Variants in WDR11 observed in about 807,000 individuals in gnomAD.
WDR11 encodes the protein WD repeat-containing protein 11.
In WDR11, 83 loss-of-function variants were observed where a neutral mutation model predicts 151.2. The ratio of observed to expected loss-of-function variants is 0.55; its 90% CI spans 0.46 to 0.66. The LOEUF is 0.66. WDR11 is among the 30% of genes least tolerant of loss of function. The pLI is 0.00. For missense variants in WDR11, 1,301 were observed against 1,480.9 expected, an observed-to-expected ratio of 0.88 and a Z score of 1.99; for synonymous variants, 484 against 533.1, an observed-to-expected ratio of 0.91 and a Z score of 1.27.
intron 13 of WDR11, among the ~76,000 whole-genome samples, chr10:120,881,602 TTTG>T (rs1207105232): frequency 4.6e-5 from 7 of 152,124 alleles, no homozygotes; most frequent in Middle Eastern, 3.4e-3. Flanking sequence ...TTACATATTA[TTTG>T]TTTATTTTGT....
chr10:120,862,902 A>G lies in WDR11; in HGVS notation c.694A>G (p.Ile232Val). The G allele has an allele frequency of 6.2e-7, 1 of 1,612,550 alleles. No homozygotes were observed. Among genetic ancestry groups the G allele is most frequent in the Non-Finnish European group, 8.5e-7 (1 of 1,178,572 alleles). Residue 232 changes from isoleucine to valine, a missense_variant, in exon 5 of 29, where the codon ATC becomes GTC. Ile to Val is a conservative substitution (Grantham distance 29). Around this residue, in one of 3 missense-constraint regions of WDR11, gnomAD observed 692 missense variants for 762.5 expected, o/e 0.91. Transcript: ENST00000263461. ...AGCTCTAAATAAAGTAAAAATTTTA[A>G]TCACTCAAGAGAAACCTAGGTAAGT... ...KKALNKVKIL[I>V]TQEKPSAEFI...
Position 120,889,128 on chromosome 10 carries a change from G to A in WDR11, c.2172G>A (p.Val724=), listed in dbSNP as rs768895783. The A allele has an allele frequency of 2.5e-6, 4 of 1,613,934 alleles. No homozygotes were observed. In the African/African-American group the frequency reaches 5.3e-5, roughly 22 times the overall value. Residue 724 remains valine, a synonymous_variant, in exon 17 of 29, where the codon GTG becomes GTA. Coordinates refer to ENST00000263461, the MANE Select transcript of WDR11 (RefSeq NM_018117.12). The part of the protein sequence containing the change: ...TCIAWKGDTL[V]LGDMDGNLNF... ...TCGCTTGGAAAGGTGATACATTAGT[G>A]CTTGGAGATATGGATGGAAATTTAA... is the stretch of plus-strand genomic sequence containing the variant.
intron 2 of WDR11, among the ~76,000 whole-genome samples, chr10:120,853,810 G>A (rs888265198): frequency 6.6e-6 from 1 of 152,196 alleles, no homozygotes; most frequent in Non-Finnish European, 1.5e-5. Flanking sequence ...GTATAAAGGA[G>A]AGTAAGAGAA....
At chr10:120,903,778 G>GAGGTT (rs1319686508) in intron 23 of WDR11, among the ~76,000 whole-genome samples, 3 of 152,140 alleles carry the variant, frequency 2.0e-5, no homozygotes, top group African/African-American at 7.2e-5. Flanking sequence ...ACCTCCTGCA[G>GAGGTT]AATCCTTCAG....
At chr10:120,868,942 G>A (rs1200868860) in intron 9 of WDR11, among the ~76,000 whole-genome samples, 1 of 149,436 alleles carries the variant, frequency 6.7e-6, no homozygotes, top group East Asian at 1.9e-4. Flanking sequence ...TATTTTATCA[G>A]TAACACAATT....
At chr10:120,882,360 T>G (rs908255484) in intron 13 of WDR11, among the ~76,000 whole-genome samples, 1 of 152,008 alleles carries the variant, frequency 6.6e-6, no homozygotes, top group African/African-American at 2.4e-5. Flanking sequence ...TAATATCCTT[T>G]GTTTTGGTAT....
In WDR11 at chr10:120,904,765, C is replaced by T. The variant is rs1373395827; in HGVS notation, c.3147C>T (p.Thr1049=). The part of the protein sequence containing the change: ...TVTSSGPSQS[T]IKLVATNMIA... ...CCTCGTCAGGCCCCTCTCAGAGCAC[C>T]ATTAAGTTGGTGGCAACGAATATGA... Residue 1049 remains threonine (T), a synonymous_variant, in exon 25 of 29, where the codon ACC becomes ACT. Transcript: ENST00000263461. 4.3e-6 allele frequency: 7 copies of T among 1,614,124 alleles called. No homozygotes were observed. Among genetic ancestry groups the T allele is most frequent in the Non-Finnish European group, 5.9e-6 (7 of 1,180,022 alleles).
chr10:120,867,374 T>C (rs1846352505), intron 9 of WDR11, among the ~76,000 whole-genome samples: 2 of 152,252 alleles, frequency 1.3e-5, no homozygotes, highest in African/African-American at 4.8e-5. Context: ...GTTTGCATTA[T>C]AGTTGTTAGA....
rs139749005 is a variant in WDR11 at position 120,871,217 on chromosome 10, C to T, written c.1342C>T (p.Arg448Trp). The change falls in exon 10 of 29, where the codon CGG becomes TGG. Residue 448 changes from arginine to tryptophan, a missense_variant. By Grantham distance (101) the Arg-to-Trp change is moderately radical. Around this residue, in one of 3 missense-constraint regions of WDR11, gnomAD observed 692 missense variants for 762.5 expected, o/e 0.91. Transcript: ENST00000263461. ...AGAACATCCCAGAGGTTCAATTCTGCGGGAAGTGCACCTCAAGTTCCTGCT... is the reference window on the plus strand; with the variant it reads ...AGAACATCCCAGAGGTTCAATTCTGTGGGAAGTGCACCTCAAGTTCCTGCT... ...GEEHPRGSIL[R>W]EVHLKFLLTG... The T allele has an allele frequency of 1.4e-4, 230 of 1,614,112 alleles. No homozygotes were observed. The highest frequency in any genetic ancestry group is 3.2e-4 in the African/African-American group (24 of 75,032).
chr10:120,888,986 A>G, intron 16 of WDR11, 92 bp from the exon 17 acceptor site: 1 of 964,426 alleles, frequency 1.0e-6, no homozygotes, highest in Non-Finnish European at 1.6e-6. Flanking sequence ...ACTAAAGCAC[A>G]GCCCTTTAAA....
intron 3 of WDR11, among the ~76,000 whole-genome samples, chr10:120,859,056 T>C (rs987015550): frequency 1.3e-5 from 2 of 152,170 alleles, no homozygotes; most frequent in Admixed American, 6.5e-5. Flanking sequence ...TCAAGCATGA[T>C]AAGAAAAAGT....
chr10:120,865,844 C>A, intron 7 of WDR11, 100 bp downstream of exon 7: 1 of 784,662 alleles, frequency 1.3e-6, no homozygotes, highest in Non-Finnish European at 2.1e-6. Flanking sequence ...TAATGATACT[C>A]CTTGCTTTGA....
intron 11 of WDR11, 103 bp from the exon 12 acceptor site, chr10:120,878,250 G>C: frequency 1.2e-6 from 1 of 835,922 alleles, no homozygotes; most frequent in Non-Finnish European, 1.9e-6. Context: ...TAATTAATTT[G>C]TGTAATAAAA....
intron 28 of WDR11, 147 bp downstream of exon 28, chr10:120,907,002 A>G: frequency 7.9e-7 from 1 of 1,267,028 alleles, no homozygotes; most frequent in African/African-American, 1.5e-5. Context: ...CAAAGCCAGG[A>G]AAGAGGGAGA....
rs1161091445 is a variant in WDR11 at position 120,865,695 on chromosome 10, T to A, written c.945T>A (p.Arg315=). Residue 315 remains arginine, a synonymous_variant, in exon 7 of 29, where the codon CGT becomes CGA. Transcript: ENST00000263461. Reference sequence around the variant, plus strand: ...ATGAAAATGGTTGTATAACTTTACGTGTTCGAAGATCTTATAATAACATTT... The same window carrying A: ...ATGAAAATGGTTGTATAACTTTACGAGTTCGAAGATCTTATAATAACATTT... ...CLHENGCITL[R]VRRSYNNIFT... is the part of the protein sequence containing the mutation. The A allele has an allele frequency of 4.3e-6, 7 of 1,611,052 alleles. No homozygotes were observed. The highest frequency in any genetic ancestry group is 5.9e-6 in the Non-Finnish European group (7 of 1,179,258).
rs571788823 is a variant in WDR11, at chr10:120,865,345, C to A, written c.879+133C>A. ...TCAATTTATCAAAAGACTAGCAACACTATTTTAGATTGTTTTTTTTGTCTG... is the reference window on the plus strand; with the variant it reads ...TCAATTTATCAAAAGACTAGCAACAATATTTTAGATTGTTTTTTTTGTCTG... On this transcript the variant is annotated intron_variant, in intron 6 of 28. Transcript: ENST00000263461. The A allele has an allele frequency of 8.6e-5, 82 of 957,356 alleles. No homozygotes were observed. In the African/African-American group the frequency reaches 1.3e-3, roughly 15 times the overall value. The allele number at this position is 957,356 out of a possible 1,614,324, so 59.3% of individuals were successfully genotyped here.
rs1271056366 is a variant in WDR11, at chr10:120,904,798, T to A, written c.3180T>A (p.Asn1060Lys). Residue 1060 changes from asparagine to lysine, a missense_variant, in exon 25 of 29, where the codon AAT becomes AAA. Physicochemically the swap from Asn to Lys is moderately conservative, Grantham distance 94 (BLOSUM62 0). Coordinates refer to ENST00000263461, the MANE Select transcript of WDR11 (RefSeq NM_018117.12). Reference sequence around the variant, plus strand: ...TGGTGGCAACGAATATGATTGCCAATGGCAAATTGGCAGGTAAGGCACACT... The same window carrying A: ...TGGTGGCAACGAATATGATTGCCAAAGGCAAATTGGCAGGTAAGGCACACT... ...IKLVATNMIA[N>K]GKLAEGVQLL... 1.2e-6 allele frequency: 2 copies of A among 1,614,194 alleles called. No homozygotes were observed. The highest frequency in any genetic ancestry group is 1.1e-5 in the South Asian group (1 of 91,084).
At position 120,860,135 on chromosome 10, in the gene WDR11, G is replaced by A. The variant is rs1299180987; in HGVS notation, c.379G>A (p.Ala127Thr). Reference protein sequence around the residue: ...QDVQWLWNQDASRDLLLAIHP... With the variant: ...QDVQWLWNQDTSRDLLLAIHP... ...TGTTCAGTGGTTGTGGAATCAAGAT[G>A]CTTCCCGCGATTTACTGCTTGCTAT... The change falls in exon 4 of 29, where the codon GCT (alanine) becomes ACT (threonine). Residue 127 changes from alanine (A) to threonine (T), a missense_variant. Around this residue, in one of 3 missense-constraint regions of WDR11, gnomAD observed 692 missense variants for 762.5 expected, o/e 0.91. Coordinates refer to ENST00000263461, the MANE Select transcript of WDR11 (RefSeq NM_018117.12). The A allele has an allele frequency of 1.2e-6, 2 of 1,614,058 alleles. No individual in the cohort carries two copies. The highest frequency in any genetic ancestry group is 2.7e-5 in the African/African-American group (2 of 74,922).
rs568095339 is a variant in WDR11, at chr10:120,853,218, G to A, written c.198+583G>A. Among the ~76,000 whole-genome samples, 25 of 152,250 alleles carry A rather than the reference G, an allele frequency of 1.6e-4. No individual in the cohort carries two copies. In the South Asian group the frequency reaches 5.0e-3, roughly 30 times the overall value. ...GGAGTGATGAAATAAGAGGCAGCCA[G>A]AGAGATTCAGCTGTCTGTCCTGAAG... On this transcript the variant is annotated intron_variant, in intron 2 of 28. Transcript: ENST00000263461.
Sources: allele counts gnomAD v4.1 joint callset (sites outside exome capture counted in the v4.1 genomes callset), GRCh38; gene constraint gnomAD v4.1.1; regional missense constraint gnomAD v4.1.1; transcripts MANE v1.5; gene names NCBI Gene and HGNC (gene_info 2026-07-23, HGNC 2026-07-21).